The following HPD variants were observed in gnomAD, a reference collection of about 807,000 sequenced individuals.
The protein encoded by HPD is 4-hydroxyphenylpyruvic acid oxidase.
In HPD, 35 loss-of-function variants were observed where a neutral mutation model predicts 56.9. That is an observed-to-expected ratio of 0.62 (90% CI 0.47 to 0.82). The LOEUF (loss-of-function observed/expected upper bound fraction) is 0.82. Ranked by LOEUF, HPD falls within the 40% of genes least tolerant of loss-of-function variation. The probability of loss-of-function intolerance (pLI) is 0.00; values close to 1 mark genes in which losing one functional copy is unlikely to be tolerated. For synonymous variants in HPD, 186 were observed against 200.2 expected (o/e 0.93, Z 0.60); for missense variants, 442 against 506.8 (o/e 0.87, Z 1.23).
At chr12:121,864,855 AAACAACAACAACAAC>A (rs149108918), upstream of HPD, among the ~76,000 whole-genome samples, 1 of 150,546 alleles carries the variant, frequency 6.6e-6, no homozygotes, top group Admixed American at 6.7e-5. Context: ...TCCGTCTCAA[AAACAACAACAACAAC>A]AACAACAACA....
upstream of HPD, among the ~76,000 whole-genome samples, chr12:121,864,585 G>C (rs1296025621): frequency 6.7e-6 from 1 of 149,956 alleles, no homozygotes; most frequent in Admixed American, 6.7e-5. Flanking sequence ...CGGGCGCAGT[G>C]GCTCACGTCT....
At chr12:121,886,949 G>C in the HPD span, among the ~76,000 whole-genome samples, 216 of 152,184 alleles carry the variant, frequency 1.4e-3, no homozygotes, top group Non-Finnish European at 2.4e-3. Context: ...ACTCAGGCTG[G>C]AGTGCAGTGA....
At chr12:121,850,632 CCGG>C (rs1877737121) in intron 7 of HPD, among the ~76,000 whole-genome samples, 3 of 141,822 alleles carry the variant, frequency 2.1e-5, no homozygotes, top group Admixed American at 7.0e-5. Context: ...TACCACCATG[CCGG>C]GCCCACCTCA....
At position 121,839,673 on chromosome 12, in the gene HPD, T is replaced by C; in HGVS notation, c.*55A>G. 1 of 1,308,912 alleles carries C rather than the reference T, an allele frequency of 7.6e-7. No homozygotes were observed. The highest frequency in any genetic ancestry group is 2.3e-5 in the East Asian group (1 of 43,462). The allele number at this position is 1,308,912 out of a possible 1,614,324, so 81.1% of individuals were successfully genotyped here. ...CAGCCAGTAGGGAAGTTGGGCGAGT[T>C]CCAGAATCAGGGGGCGTGGCTGTGT... On this transcript the variant is annotated 3_prime_UTR_variant, in exon 14 of 14. Transcript: ENST00000289004.
chr12:121,870,610 T>C, the HPD span, among the ~76,000 whole-genome samples: 1 of 151,180 alleles, frequency 6.6e-6, no homozygotes, highest in African/African-American at 2.4e-5. Context: ...TTTTTTTTTT[T>C]TTTGAGACAG....
chr12:121,840,580 G>A (rs1259303137), intron 12 of HPD, among the ~76,000 whole-genome samples: 4 of 151,978 alleles, frequency 2.6e-5, no homozygotes, highest in East Asian at 3.9e-4. Flanking sequence ...GATTACAGGC[G>A]TGAGCCACCA....
At chr12:121,851,885 ATT>A (rs1291842213) in intron 7 of HPD, among the ~76,000 whole-genome samples, 1 of 14,360 alleles carries the variant, frequency 7.0e-5, no homozygotes, top group African/African-American at 2.8e-4. Flanking sequence ...ACTTTTTTGT[ATT>A]TTTTTTTTTT....
upstream of HPD, among the ~76,000 whole-genome samples, chr12:121,864,300 C>A (rs991933128): frequency 4.6e-5 from 7 of 151,964 alleles, no homozygotes; most frequent in African/African-American, 9.7e-5. Context: ...TACCTGTAAT[C>A]CCAGCACTTT....
intron 11 of HPD, among the ~76,000 whole-genome samples, chr12:121,844,365 C>A (rs1317975583): frequency 6.6e-6 from 1 of 151,962 alleles, no homozygotes; most frequent in Non-Finnish European, 1.5e-5. Flanking sequence ...CTACGTATTC[C>A]CTCATTATGT....
At chr12:121,883,428 A>G in the HPD span, among the ~76,000 whole-genome samples, 2 of 151,908 alleles carry the variant, frequency 1.3e-5, no homozygotes, top group Non-Finnish European at 2.9e-5. Context: ...ATCAGGAGGA[A>G]GAGGTGGCGG....
intron 9 of HPD, 58 bp from the exon 10 acceptor site, chr12:121,847,272 C>T: frequency 6.7e-7 from 1 of 1,489,020 alleles, no homozygotes; most frequent in South Asian, 1.1e-5. Context: ...CGGCCTCCAT[C>T]ACCCATTTCC....
rs942325148 is a variant in HPD, at chr12:121,839,538, C to A, written c.*190G>T. Reference sequence around the variant, plus strand: ...ACACAGACACAGTATTGGACCGGGGCACGCTTTAATCGGGAGGGCTGGAGC... The same window carrying A: ...ACACAGACACAGTATTGGACCGGGGAACGCTTTAATCGGGAGGGCTGGAGC... On this transcript the variant is annotated 3_prime_UTR_variant, in exon 14 of 14. Transcript: ENST00000289004. 81 of 625,686 alleles carry A rather than the reference C, an allele frequency of 1.3e-4. No individual in the cohort carries two copies. The highest frequency in any genetic ancestry group is 9.7e-5 in the Non-Finnish European group (34 of 350,784). The allele number at this position is 625,686 out of a possible 1,614,324, so 38.8% of individuals were successfully genotyped here. A position where few individuals can be genotyped will look rare whatever the true frequency, so the allele number is the denominator to read the frequency against.
chr12:121,851,691 AT>A (rs1877780670), intron 7 of HPD, among the ~76,000 whole-genome samples: 1 of 2,030 alleles, frequency 4.9e-4, no homozygotes, highest in African/African-American at 2.6e-3. Flanking sequence ...TCATTTATTT[AT>A]TTATTTATTT....
chr12:121,888,583 C>A, the HPD span: 1 of 473,560 alleles, frequency 2.1e-6, no homozygotes, highest in Non-Finnish European at 3.9e-6. Flanking sequence ...GGGGCGAGAT[C>A]ATCCCCTAGC....
At chr12:121,854,876 G>A (rs1877938694) in intron 6 of HPD, 84 bp from the exon 7 acceptor site, 1 of 1,057,370 alleles carries the variant, frequency 9.5e-7, no homozygotes, top group South Asian at 1.3e-5. Context: ...GGTGGCCTCT[G>A]CGTGGTCCTG....
In HPD at chr12:121,852,622, C is replaced by CTTTTT. The variant is rs1176954964; in HGVS notation, c.414+2076_414+2080dup. On this transcript the variant is annotated intron_variant, in intron 7 of 13. Coordinates refer to ENST00000289004, the MANE Select transcript of HPD (RefSeq NM_002150.3). ...TATACACAAATGACCTCATTGGATCCTTTTTTTTTTTTTTTTTTTTTTTTT... is the reference window on the plus strand; with the variant it reads ...TATACACAAATGACCTCATTGGATCCTTTTTTTTTTTTTTTTTTTTTTTTTTTTTT... Among the ~76,000 whole-genome samples, 117 of 70,500 alleles carry CTTTTT rather than the reference C, an allele frequency of 1.7e-3. 15 individuals are homozygous for CTTTTT. The highest frequency in any genetic ancestry group is 6.2e-3 in the African/African-American group (100 of 16,190). The allele number at this position is 70,500 out of a possible 152,430, so 46.3% of individuals were successfully genotyped here. A position where few individuals can be genotyped will look rare whatever the true frequency, so the allele number is the denominator to read the frequency against.
intron 7 of HPD, among the ~76,000 whole-genome samples, chr12:121,850,709 T>G (rs1369289053): frequency 4.1e-5 from 6 of 145,048 alleles, no homozygotes; most frequent in African/African-American, 1.0e-4. Flanking sequence ...TTTTTTTTTT[T>G]TTTTGTTTGA....
At chr12:121,866,836 A>G (rs1357301905), upstream of HPD, among the ~76,000 whole-genome samples, 3 of 152,054 alleles carry the variant, frequency 2.0e-5, no homozygotes, top group African/African-American at 7.2e-5. Context: ...ACAGTTGCAT[A>G]ACTATGACCT....
chr12:121,866,400 A>T (rs1443244905), upstream of HPD, among the ~76,000 whole-genome samples: 1 of 150,390 alleles, frequency 6.6e-6, no homozygotes, highest in Non-Finnish European at 1.5e-5. Flanking sequence ...AAAGGCACGG[A>T]GCAGTGTATA....
Sources: allele counts gnomAD v4.1 joint callset (sites outside exome capture counted in the v4.1 genomes callset), GRCh38; gene constraint gnomAD v4.1.1; transcripts MANE v1.5; gene names NCBI Gene and HGNC (gene_info 2026-07-23, HGNC 2026-07-21).